The following GHR variants were observed in gnomAD, a reference collection of about 807,000 sequenced individuals.
GHR encodes the protein growth hormone receptor.
Under a neutral mutation model 67.1 loss-of-function variants are expected in GHR, and 35 were observed. The observed-to-expected ratio is 0.52, with a 90% CI of 0.40 to 0.69. GHR has a LOEUF of 0.69. Ranked by LOEUF, GHR falls within the 30% of genes least tolerant of loss-of-function variation. The pLI is 0.00. For missense variants in GHR, 792 were observed against 764.6 expected (o/e 1.04, Z -0.42); for synonymous variants, 272 against 269.1 (o/e 1.01, Z -0.10).
chr5:42,603,634 A>G (rs1042873640), intron 2 of GHR, among the ~76,000 whole-genome samples: 5 of 152,098 alleles, frequency 3.3e-5, no homozygotes, highest in Admixed American at 2.0e-4. Context: ...TCTCTTGAAT[A>G]CCTTCTGAGT....
intron 1 of GHR, among the ~76,000 whole-genome samples, chr5:42,555,675 T>G (rs1250945920): frequency 6.6e-6 from 1 of 152,144 alleles, no homozygotes; most frequent in Non-Finnish European, 1.5e-5. Flanking sequence ...TTGAATGAAA[T>G]AAGAAGGTAC....
In GHR at chr5:42,468,505, G is replaced by A. The variant is rs953223842; in HGVS notation, c.-12+44550G>A. 3 of 783,486 alleles carry A rather than the reference G, an allele frequency of 3.8e-6. No homozygotes were observed. The African/African-American group carries it at 5.3e-5, about 14-fold the overall frequency. The allele number at this position is 783,486 out of a possible 1,614,324, so 48.5% of individuals were successfully genotyped here. A position where few individuals can be genotyped will look rare whatever the true frequency, so the allele number is the denominator to read the frequency against. The stretch of plus-strand genomic sequence containing the variant: ...TCACTGGCTCTGCAGCAGGAGGCTG[G>A]GGGACCAGGACCTCAGCTCCTACTG... On this transcript the variant is annotated intron_variant, in intron 1 of 9. Coordinates refer to ENST00000230882, the MANE Select transcript of GHR (RefSeq NM_000163.5).
At position 42,693,717 on chromosome 5, in the gene GHR, G is replaced by T. The variant is rs367732467; in HGVS notation, c.267-1200G>T. ...TGTCTTCATTGTCCACTGCTGCCCA[G>T]CACCCATCCCACAGAGGGATGGTCC... On this transcript the variant is annotated intron_variant, in intron 4 of 9. Transcript: ENST00000230882. 5.9e-5 allele frequency among the ~76,000 whole-genome samples: 9 copies of T among 152,186 alleles called. No homozygotes were observed. In the South Asian group the frequency reaches 1.2e-3, roughly 21 times the overall value.
chr5:42,660,052 G>A (rs1325281412), intron 3 of GHR, among the ~76,000 whole-genome samples: 1 of 152,204 alleles, frequency 6.6e-6, no homozygotes, highest in Non-Finnish European at 1.5e-5. Context: ...AGCAAGGCTG[G>A]GGGAGGGGCG....
intron 1 of GHR, among the ~76,000 whole-genome samples, chr5:42,464,377 CTTTTGAAA>C (rs1744636859): frequency 1.3e-5 from 2 of 152,218 alleles, no homozygotes; most frequent in Admixed American, 1.3e-4. Context: ...GTTTATTTTA[CTTTTGAAA>C]TTTTGGAGAA....
chr5:42,488,376 C>G (rs985364462), intron 1 of GHR, among the ~76,000 whole-genome samples: 1 of 152,116 alleles, frequency 6.6e-6, no homozygotes, highest in Non-Finnish European at 1.5e-5. Context: ...GGAATTTGAA[C>G]CCAGGTTTCT....
At chr5:42,618,448 T>A (rs1206204411) in intron 2 of GHR, among the ~76,000 whole-genome samples, 1 of 152,092 alleles carries the variant, frequency 6.6e-6, no homozygotes, top group Non-Finnish European at 1.5e-5. Context: ...GAATAAAAGG[T>A]CAGAGAGTAA....
chr5:42,433,732 ATTT>A (rs35539827), intron 1 of GHR, among the ~76,000 whole-genome samples: 28 of 77,590 alleles, frequency 3.6e-4, no homozygotes, highest in South Asian at 1.4e-3. Context: ...AAGATATGGT[ATTT>A]TTTTTTTTTT....
At chr5:42,680,461 T>C (rs545057079) in intron 3 of GHR, among the ~76,000 whole-genome samples, 1 of 152,104 alleles carries the variant, frequency 6.6e-6, no homozygotes, top group Non-Finnish European at 1.5e-5. Flanking sequence ...CTTTTTTTTT[T>C]AATTCCATGA....
At position 42,424,681 on chromosome 5, in the gene GHR, A is replaced by G. The variant is rs1390163286; in HGVS notation, c.-12+726A>G. 17 of 1,301,736 alleles carry G rather than the reference A, an allele frequency of 1.3e-5. No homozygotes were observed. The highest frequency in any genetic ancestry group is 1.8e-4 in the Middle Eastern group (1 of 5,580). The allele number at this position is 1,301,736 out of a possible 1,614,324, so 80.6% of individuals were successfully genotyped here. ...AAAATCAACCAGGCTTAAAGTTTTG[A>G]CAGAACTGCCAGAGGCTGCGGGTCA... On this transcript the variant is annotated intron_variant, in intron 1 of 9. Transcript: ENST00000230882. This position sits in a 1 kb window ranked among gnomAD's most constrained non-coding sequence, Gnocchi z 4.1.
Position 42,610,826 on chromosome 5 carries a change from G to A in GHR, c.71-18212G>A, listed in dbSNP as rs188944339. Among the ~76,000 whole-genome samples, 695 of 152,248 alleles carry A rather than the reference G, an allele frequency of 4.6e-3. 4 individuals are homozygous for A. The highest frequency in any genetic ancestry group is 6.8e-3 in the Non-Finnish European group (462 of 67,998). ...CTTCAAACCAAAGTCACTTGAAAGA[G>A]GAATCCCCTCATCATCCCTCTAGGA... On this transcript the variant is annotated intron_variant, in intron 2 of 9. Coordinates refer to ENST00000230882, the MANE Select transcript of GHR (RefSeq NM_000163.5).
At chr5:42,507,547 A>G (rs548623474) in intron 1 of GHR, among the ~76,000 whole-genome samples, 1 of 152,240 alleles carries the variant, frequency 6.6e-6, no homozygotes, top group Admixed American at 6.5e-5. Context: ...GGTGTACATC[A>G]GTCAGGTCCT....
intron 1 of GHR, among the ~76,000 whole-genome samples, chr5:42,534,138 A>G (rs964382623): frequency 1.2e-4 from 18 of 147,794 alleles, no homozygotes; most frequent in African/African-American, 3.0e-4. Flanking sequence ...ATATGTACAT[A>G]TGTATATATG....
intron 6 of GHR, among the ~76,000 whole-genome samples, chr5:42,701,865 A>G (rs1487178555): frequency 1.3e-5 from 2 of 152,178 alleles, no homozygotes; most frequent in African/African-American, 2.4e-5. Flanking sequence ...TTACTAATAC[A>G]TGATGTAATC....
intron 3 of GHR, chr5:42,646,450 C>CT (rs201498664): frequency 0.03 from 10,015 of 337,360 alleles, 164 homozygotes; most frequent in East Asian, 0.13. Context: ...AAAGTAAAAG[C>CT]TTTTTTTTTT....
intron 3 of GHR, among the ~76,000 whole-genome samples, chr5:42,682,792 T>C (rs1756953145): frequency 6.6e-6 from 1 of 152,202 alleles, no homozygotes; most frequent in South Asian, 2.1e-4. Context: ...ATTAATAGCA[T>C]TCAAATATTT....
At chr5:42,566,529 C>G (rs1749950563) in intron 2 of GHR, among the ~76,000 whole-genome samples, 2 of 152,148 alleles carry the variant, frequency 1.3e-5, no homozygotes, top group African/African-American at 4.8e-5. Flanking sequence ...TTTTTTATAT[C>G]CCTCTCCTTG....
At chr5:42,687,085 G>A (rs1281505726) in intron 3 of GHR, among the ~76,000 whole-genome samples, 2 of 152,114 alleles carry the variant, frequency 1.3e-5, no homozygotes, top group Non-Finnish European at 2.9e-5. Flanking sequence ...TTGCTACAAA[G>A]AGAATAAAAT....
chr5:42,516,085 G>A (rs531745388), intron 1 of GHR, among the ~76,000 whole-genome samples: 1 of 152,100 alleles, frequency 6.6e-6, no homozygotes, highest in South Asian at 2.1e-4. Flanking sequence ...TTAGTTCTTT[G>A]TAGTCTTTAT....
Sources: gnomAD v4.1 joint callset for allele counts (sites outside exome capture counted in the v4.1 genomes callset) on GRCh38, gnomAD v4.1.1 for gene constraint, Gnocchi (gnomAD v3.1) non-coding constraint, MANE v1.5 for transcripts, NCBI Gene and HGNC (gene_info 2026-07-23, HGNC 2026-07-21) for gene names.